THSD7B: variants seen among roughly 807,000 people sequenced by gnomAD.
The protein encoded by THSD7B is thrombospondin type-1 domain-containing protein 7B.
Under a neutral mutation model 213.6 loss-of-function variants are expected in THSD7B, and 138 were observed. That is an observed-to-expected ratio of 0.65 (90% CI 0.56 to 0.74). The LOEUF (loss-of-function observed/expected upper bound fraction) is 0.74, where lower values mean the gene tolerates loss of function less well. Ranked by LOEUF, THSD7B falls within the 30% of genes least tolerant of loss-of-function variation. The pLI is 0.00. For synonymous variants in THSD7B, 742 were observed against 687.0 expected, an observed-to-expected ratio of 1.08 and a Z score of -1.25; for missense variants, 1,931 against 1,991.5, an observed-to-expected ratio of 0.97 and a Z score of 0.58.
chr2:136,828,273 C>T (rs1037440097), intron 1 of THSD7B, among the ~76,000 whole-genome samples: 1 of 152,060 alleles, frequency 6.6e-6, no homozygotes, highest in Non-Finnish European at 1.5e-5. Context: ...CAGTTAATGG[C>T]ACTATCATTC....
At chr2:137,116,507 A>G (rs1440087062) in intron 5 of THSD7B, among the ~76,000 whole-genome samples, 1 of 152,140 alleles carries the variant, frequency 6.6e-6, no homozygotes, top group Admixed American at 6.5e-5. Flanking sequence ...ACTACTGTCT[A>G]CTGTTGGAGG....
chr2:137,035,017 T>C (rs1324148258), intron 2 of THSD7B, among the ~76,000 whole-genome samples: 1 of 152,234 alleles, frequency 6.6e-6, no homozygotes, highest in Non-Finnish European at 1.5e-5. Flanking sequence ...ACCGCCACAC[T>C]GTCTTCCACA....
At chr2:137,521,780 G>A (rs1294972884) in intron 15 of THSD7B, among the ~76,000 whole-genome samples, 1 of 152,174 alleles carries the variant, frequency 6.6e-6, no homozygotes, top group Non-Finnish European at 1.5e-5. Context: ...GTGCTTCTTA[G>A]CATATGGTCA....
chr2:136,801,062 T>C (rs755461955), intron 1 of THSD7B, among the ~76,000 whole-genome samples: 5 of 151,992 alleles, frequency 3.3e-5, no homozygotes, highest in Non-Finnish European at 7.4e-5. Flanking sequence ...GTACGTCCAT[T>C]GTAGGAATAG....
intron 9 of THSD7B, among the ~76,000 whole-genome samples, chr2:137,240,779 C>T (rs111269628): frequency 0.012 from 1,751 of 152,218 alleles, 24 homozygotes; most frequent in African/African-American, 0.04. Flanking sequence ...CCTCCCAAAG[C>T]GTTGGGATTA....
At chr2:137,418,822 T>C (rs1686855950) in intron 14 of THSD7B, among the ~76,000 whole-genome samples, 1 of 152,202 alleles carries the variant, frequency 6.6e-6, no homozygotes, top group African/African-American at 2.4e-5. Context: ...TCACTCAACA[T>C]AATGACCTCC....
chr2:136,774,470 G>A (rs1424701427), intron 1 of THSD7B, among the ~76,000 whole-genome samples: 1 of 151,930 alleles, frequency 6.6e-6, no homozygotes, highest in East Asian at 1.9e-4. Context: ...TGCTTCAATT[G>A]AAAAAACAGA....
chr2:137,551,670 A>G (rs1680850842), intron 15 of THSD7B, among the ~76,000 whole-genome samples: 4 of 152,192 alleles, frequency 2.6e-5, no homozygotes, highest in Admixed American at 2.6e-4. Flanking sequence ...TAGTATTATT[A>G]GTTTCATTTT....
intron 7 of THSD7B, among the ~76,000 whole-genome samples, chr2:137,178,623 A>G (rs1680401624): frequency 6.6e-6 from 1 of 152,222 alleles, no homozygotes; most frequent in African/African-American, 2.4e-5. Flanking sequence ...AGGGACTCCA[A>G]AAGAGAAAAA....
intron 7 of THSD7B, among the ~76,000 whole-genome samples, chr2:137,225,826 T>C (rs1681485493): frequency 6.8e-6 from 1 of 147,112 alleles, no homozygotes; most frequent in Non-Finnish European, 1.6e-5. Context: ...CTTCCAATTC[T>C]GAAATTAGCA....
At position 137,003,592 on chromosome 2, in the gene THSD7B, T is replaced by C. The variant is rs144975145; in HGVS notation, c.140-52828T>C. On this transcript the variant is annotated intron_variant, in intron 2 of 27. Transcript: ENST00000409968. ...GATGCAAAATCATTGCGAGAAATGG[T>C]TCCTTCTCTTGTAGCACTGGGAAGA... 1.6e-3 allele frequency among the ~76,000 whole-genome samples: 241 copies of C among 152,276 alleles called. 1 individual carries two copies. Among genetic ancestry groups the C allele is most frequent in the African/African-American group, 5.7e-3 (237 of 41,562 alleles).
chr2:136,910,572 G>C (rs915074177), intron 2 of THSD7B, among the ~76,000 whole-genome samples: 1 of 152,168 alleles, frequency 6.6e-6, no homozygotes, highest in Non-Finnish European at 1.5e-5. Context: ...GTCCTGAGGT[G>C]TTAGTGAATG....
chr2:136,774,013 C>T (rs1018535817), intron 1 of THSD7B, among the ~76,000 whole-genome samples: 1 of 152,034 alleles, frequency 6.6e-6, no homozygotes, highest in Non-Finnish European at 1.5e-5. Context: ...ATCCCACATA[C>T]CTTTCATTTT....
chr2:137,379,165 C>T (rs1685722128), intron 12 of THSD7B, among the ~76,000 whole-genome samples: 2 of 152,124 alleles, frequency 1.3e-5, no homozygotes, highest in Non-Finnish European at 2.9e-5. Flanking sequence ...TCCAGGTTAC[C>T]TAGGGACTAA....
chr2:137,494,199 A>G (rs530869854), intron 15 of THSD7B, among the ~76,000 whole-genome samples: 178 of 152,308 alleles, frequency 1.2e-3, no homozygotes, highest in African/African-American at 4.0e-3. Context: ...CCTTATTAAT[A>G]GAGCATAGTA....
chr2:137,433,133 A>T (rs1163871145), intron 14 of THSD7B, among the ~76,000 whole-genome samples: 16 of 152,312 alleles, frequency 1.1e-4, no homozygotes, highest in Admixed American at 2.0e-4. Context: ...AATTTCAAAT[A>T]GCCCTAAGTG....
intron 2 of THSD7B, among the ~76,000 whole-genome samples, chr2:137,011,324 A>T (rs920550157): frequency 3.9e-5 from 6 of 152,150 alleles, no homozygotes; most frequent in Non-Finnish European, 1.5e-5. Flanking sequence ...TTCAGTTAGT[A>T]TAAAGAAAGC....
At chr2:137,232,362 T>G (rs911251128) in intron 8 of THSD7B, among the ~76,000 whole-genome samples, 27 of 152,276 alleles carry the variant, frequency 1.8e-4, no homozygotes, top group African/African-American at 6.5e-4. Flanking sequence ...CAAACAAACT[T>G]CAACAGATAT....
At chr2:137,150,333 A>T (rs1679792214) in intron 5 of THSD7B, among the ~76,000 whole-genome samples, 1 of 151,896 alleles carries the variant, frequency 6.6e-6, no homozygotes. Flanking sequence ...GTTTGGCTGT[A>T]TTCCCACCCA....
Sources: gnomAD v4.1 joint callset for allele counts (sites outside exome capture counted in the v4.1 genomes callset) on GRCh38, gnomAD v4.1.1 for gene constraint, MANE v1.5 for transcripts, NCBI Gene and HGNC (gene_info 2026-07-23, HGNC 2026-07-21) for gene names.